Variants in KICS2 observed in about 807,000 individuals in gnomAD.
The protein encoded by KICS2 is KICSTOR subunit 2.
A neutral mutation model predicts 31.4 loss-of-function variants in KICS2; 13 were observed. The ratio of observed to expected loss-of-function variants is 0.41; its 90% CI spans 0.27 to 0.66. The LOEUF (loss-of-function observed/expected upper bound fraction) is 0.66. Ranked by LOEUF, KICS2 falls within the 30% of genes least tolerant of loss-of-function variation. KICS2 has a pLI of 0.28. For synonymous variants in KICS2, 209 were observed against 214.8 expected (o/e 0.97, Z 0.24); for missense variants, 455 against 545.4 (o/e 0.83, Z 1.65).
intron 2 of KICS2, among the ~76,000 whole-genome samples, chr12:64,207,616 C>T (rs1270431269): frequency 6.6e-6 from 1 of 152,210 alleles, no homozygotes; most frequent in East Asian, 1.9e-4. Context: ...TTGGACATTG[C>T]TACTGGGTAG....
At chr12:64,190,630 G>C (rs955996939), downstream of KICS2, among the ~76,000 whole-genome samples, 1 of 151,840 alleles carries the variant, frequency 6.6e-6, no homozygotes, top group Admixed American at 6.6e-5. Flanking sequence ...GCCAGGCATG[G>C]TCCTAGCTAC....
chr12:64,212,619 A>G (rs2037591675), intron 2 of KICS2, among the ~76,000 whole-genome samples: 2 of 152,186 alleles, frequency 1.3e-5, no homozygotes, highest in African/African-American at 2.4e-5. Context: ...TTTGGCTATC[A>G]TAAGTAATGC....
At chr12:64,208,437 TAAAA>T (rs1356533985) in intron 2 of KICS2, among the ~76,000 whole-genome samples, 1 of 152,226 alleles carries the variant, frequency 6.6e-6, no homozygotes, top group Non-Finnish European at 1.5e-5. Context: ...TCTTCACTAT[TAAAA>T]TCTAAGCATG....
At chr12:64,197,547 G>A (rs1316955525) in intron 2 of KICS2, among the ~76,000 whole-genome samples, 5 of 150,508 alleles carry the variant, frequency 3.3e-5, no homozygotes, top group African/African-American at 9.9e-5. Context: ...ATCAACTAAC[G>A]AGCAATATCA....
At chr12:64,196,258 C>A (rs1435797505) in intron 2 of KICS2, among the ~76,000 whole-genome samples, 1 of 148,672 alleles carries the variant, frequency 6.7e-6, no homozygotes, top group Admixed American at 6.8e-5. Context: ...GATCTGAGAA[C>A]CGGCAGACTG....
At chr12:64,207,965 A>T (rs1484730563) in intron 2 of KICS2, among the ~76,000 whole-genome samples, 1 of 152,188 alleles carries the variant, frequency 6.6e-6, no homozygotes, top group African/African-American at 2.4e-5. Context: ...CTGTTTTTGG[A>T]CTTCTGCTTA....
intron 2 of KICS2, among the ~76,000 whole-genome samples, chr12:64,196,333 G>C (rs1015145015): frequency 2.0e-5 from 3 of 151,706 alleles, no homozygotes; most frequent in African/African-American, 4.9e-5. Context: ...CCCCCCAGCA[G>C]GGGCAGACTG....
intron 2 of KICS2, among the ~76,000 whole-genome samples, chr12:64,207,843 C>T (rs765179289): frequency 1.3e-5 from 2 of 152,112 alleles, no homozygotes; most frequent in African/African-American, 2.4e-5. Context: ...CAAACTGATA[C>T]ATGATAGAAC....
At chr12:64,209,114 T>C (rs1268307099) in intron 2 of KICS2, among the ~76,000 whole-genome samples, 1 of 152,094 alleles carries the variant, frequency 6.6e-6, no homozygotes, top group South Asian at 2.1e-4. Flanking sequence ...ACTCAAGGAA[T>C]AGCAGATACT....
Position 64,193,827 on chromosome 12 carries a change from C to T in KICS2, c.*15G>A. On this transcript the variant is annotated 3_prime_UTR_variant, in exon 3 of 3. Coordinates refer to ENST00000398055, the MANE Select transcript of KICS2 (RefSeq NM_152440.5). ...ACAGTTTCTAGTCTTGAAACCCCTC[C>T]ACGCAAATCACCTGCTAACCTTTGG... 1.9e-6 allele frequency: 3 copies of T among 1,602,124 alleles called. No individual in the cohort carries two copies. The highest frequency in any genetic ancestry group is 2.6e-6 in the Non-Finnish European group (3 of 1,174,162).
rs60371744 is a variant in KICS2 at position 64,194,936 on chromosome 12, A to ATTT, written c.522-281_522-279dup. 2.9e-3 allele frequency among the ~76,000 whole-genome samples: 441 copies of ATTT among 149,500 alleles called. 2 individuals carry two copies. The highest frequency in any genetic ancestry group is 0.013 in the East Asian group (64 of 5,088). The stretch of plus-strand genomic sequence containing the variant: ...AGGAATACCAAATTAGCTACAATTC[A>ATTT]TTTTTTTTTTTTTATTTATTTATTT... On this transcript the variant is annotated intron_variant, in intron 2 of 2. Transcript: ENST00000398055.
At chr12:64,216,600 G>A (rs1446673855) in intron 1 of KICS2, among the ~76,000 whole-genome samples, 3 of 152,136 alleles carry the variant, frequency 2.0e-5, no homozygotes, top group Non-Finnish European at 2.9e-5. Flanking sequence ...TCTTGACAAG[G>A]TTGACACTAT....
At chr12:64,216,109 T>TATACTTTATGATAATC (rs2037626028) in intron 1 of KICS2, 146 bp from the exon 2 acceptor site, 5 of 363,064 alleles carry the variant, frequency 1.4e-5, no homozygotes, top group Non-Finnish European at 1.9e-5. Context: ...ATGATTGAGA[T>TATACTTTATGATAATC]ATAAATACTT....
At position 64,193,311 on chromosome 12, in the gene KICS2, G is replaced by T. The variant is rs887515105; in HGVS notation, c.*531C>A. On this transcript the variant is annotated 3_prime_UTR_variant, in exon 3 of 3. Coordinates refer to ENST00000398055, the MANE Select transcript of KICS2 (RefSeq NM_152440.5). ...ATAACTGATAGAAATTTCTTACCAA[G>T]ACCCTAATTTTGGCATCAAAAATGT... 2 of 985,674 alleles carry T rather than the reference G, an allele frequency of 2.0e-6. No individual in the cohort carries two copies. Among genetic ancestry groups the T allele is most frequent in the Non-Finnish European group, 2.4e-6 (2 of 830,226 alleles). 61.1% of individuals were successfully genotyped at this position (985,674 alleles called of 1,614,324 possible). A position where few individuals can be genotyped will look rare whatever the true frequency, so the allele number is the denominator to read the frequency against.
Position 64,215,855 on chromosome 12 carries a change from G to A in KICS2, c.344C>T (p.Ala115Val), listed in dbSNP as rs1377124686. ...GGAAAGGAGTTCTTCCACGTGAGGA[G>A]CAGTCCCACCCAGGGCACCACGGCC... ...VTGRGALGGT[A>V]PHVEELLSHL... The change falls in exon 2 of 3, where the codon GCT (alanine) becomes GTT (valine). Residue 115 changes from alanine to valine, a missense_variant. Transcript: ENST00000398055. 24 of 1,613,906 alleles carry A rather than the reference G, an allele frequency of 1.5e-5. No homozygotes were observed. Among genetic ancestry groups the A allele is most frequent in the Non-Finnish European group, 2.0e-5 (24 of 1,179,938 alleles).
At chr12:64,187,034 T>TG (rs1463618925), downstream of KICS2, 4 of 152,660 alleles carry the variant, frequency 2.6e-5, no homozygotes, top group African/African-American at 9.7e-5. Flanking sequence ...AGACCTAAGC[T>TG]GGATCAACCG....
At chr12:64,188,034 A>G (rs1053979439), downstream of KICS2, among the ~76,000 whole-genome samples, 5 of 152,118 alleles carry the variant, frequency 3.3e-5, no homozygotes, top group African/African-American at 1.2e-4. Flanking sequence ...ATCAACACTG[A>G]CCTTTCCCCC....
chr12:64,196,299 C>A (rs1274391836), intron 2 of KICS2, among the ~76,000 whole-genome samples: 1 of 143,706 alleles, frequency 7.0e-6, no homozygotes, highest in Non-Finnish European at 1.5e-5. Context: ...ACCCCTGACC[C>A]CCGAGCAGCC....
At position 64,222,250 on chromosome 12, in the gene KICS2, C is replaced by T. The variant is rs569357690; in HGVS notation, c.-13G>A. 12 of 1,612,286 alleles carry T rather than the reference C, an allele frequency of 7.4e-6. No individual in the cohort carries two copies. The East Asian group carries it at 2.5e-4, about 33-fold the overall frequency. On this transcript the variant is annotated 5_prime_UTR_variant, in exon 1 of 3. Transcript: ENST00000398055. ...TAGACTCCCCCATGCGAGCTGCGCCCCAGCTCGACCCACGTGGCTCTCCTC... is the reference window on the plus strand; with the variant it reads ...TAGACTCCCCCATGCGAGCTGCGCCTCAGCTCGACCCACGTGGCTCTCCTC...
Sources: gnomAD v4.1 joint callset for allele counts (sites outside exome capture counted in the v4.1 genomes callset) on GRCh38, gnomAD v4.1.1 for gene constraint, MANE v1.5 for transcripts, NCBI Gene and HGNC (gene_info 2026-07-23, HGNC 2026-07-21) for gene names.